Variants in SLCO1B1 observed in about 807,000 individuals in gnomAD.
The protein encoded by SLCO1B1 is OATP-2.
SLCO1B1 carries 81 observed loss-of-function variants against 70.1 expected under a neutral mutation model. That is an observed-to-expected ratio of 1.16 (90% CI 0.97 to 1.39). The LOEUF (loss-of-function observed/expected upper bound fraction) is 1.39. SLCO1B1 is among the 40% of genes most tolerant of loss of function. SLCO1B1 has a pLI of 0.00. For synonymous variants in SLCO1B1, 283 were observed against 271.5 expected (o/e 1.04, Z -0.42); for missense variants, 895 against 799.6 (o/e 1.12, Z -1.44).
At position 21,172,733 on chromosome 12, in the gene SLCO1B1, A is replaced by G; in HGVS notation, c.168A>G (p.Glu56=). ...TGAAAAGTTCCATCATTCATATAGA[A>G]CGGAGATTTGAGATATCCTCTTCTC... The part of the protein sequence containing the change: ...IIMKSSIIHI[E]RRFEISSSLV... The change falls in exon 3 of 15, where the codon GAA becomes GAG. Residue 56 remains glutamate, a synonymous_variant. Transcript: ENST00000256958. 6.2e-7 allele frequency: 1 copy of G among 1,613,542 alleles called. No homozygotes were observed. The highest frequency in any genetic ancestry group is 1.7e-4 in the Middle Eastern group (1 of 6,054).
intron 7 of SLCO1B1, among the ~76,000 whole-genome samples, chr12:21,189,476 C>T (rs180896147): frequency 2.1e-3 from 322 of 151,076 alleles, no homozygotes; most frequent in African/African-American, 7.3e-3. Context: ...TTGAGTCACT[C>T]TCACTCTGTC....
chr12:21,149,566 G>T (rs1051799453), intron 2 of SLCO1B1, among the ~76,000 whole-genome samples: 4 of 152,090 alleles, frequency 2.6e-5, no homozygotes, highest in African/African-American at 9.7e-5. Flanking sequence ...GCCGAAGCAG[G>T]GTAGGGTGTC....
At chr12:21,217,723 A>T (rs1941376296) in intron 12 of SLCO1B1, among the ~76,000 whole-genome samples, 1 of 152,222 alleles carries the variant, frequency 6.6e-6, no homozygotes, top group Non-Finnish European at 1.5e-5. Context: ...GCTCCATTTG[A>T]TAACATTCCA....
In SLCO1B1 at chr12:21,141,608, G is replaced by T. The variant is rs756064979; in HGVS notation, c.34G>T (p.Glu12Ter). The T allele has an allele frequency of 3.1e-6, 5 of 1,609,022 alleles. No homozygotes were observed. The Admixed American group carries it at 5.0e-5, about 16-fold the overall frequency. ...DQNQHLNKTAEAQPSENKKTR... is the reference protein window; with the variant it reads ...DQNQHLNKTA ...AAATCAACATTTGAATAAAACAGCAGAGGCACAACCTTCAGAGAATAAGAA... is the reference window on the plus strand; with the variant it reads ...AAATCAACATTTGAATAAAACAGCATAGGCACAACCTTCAGAGAATAAGAA... Residue 12 changes from glutamate to a stop codon, truncating the protein, a stop_gained, in exon 2 of 15, where the codon GAG (glutamate) becomes TAG (stop). Transcript: ENST00000256958. LOFTEE classifies it high-confidence loss of function.
chr12:21,165,318 C>T (rs1054594357), intron 2 of SLCO1B1, among the ~76,000 whole-genome samples: 3 of 151,932 alleles, frequency 2.0e-5, no homozygotes, highest in Admixed American at 2.0e-4. Context: ...TAGCTGGAGA[C>T]GGTAGCTCAA....
At chr12:21,235,597 A>G (rs949697644) in intron 14 of SLCO1B1, among the ~76,000 whole-genome samples, 2 of 151,778 alleles carry the variant, frequency 1.3e-5, no homozygotes, top group African/African-American at 4.8e-5. Context: ...GTTGTTAGCT[A>G]GTTGCTTTAT....
At chr12:21,237,115 T>G (rs1165462878) in intron 14 of SLCO1B1, among the ~76,000 whole-genome samples, 1 of 152,176 alleles carries the variant, frequency 6.6e-6, no homozygotes, top group Admixed American at 6.5e-5. Flanking sequence ...TGTCTTCTAT[T>G]CTTTTTTCTT....
intron 12 of SLCO1B1, among the ~76,000 whole-genome samples, chr12:21,218,282 G>A (rs1397465543): frequency 6.6e-6 from 1 of 152,092 alleles, no homozygotes; most frequent in Admixed American, 6.5e-5. Context: ...GGTAATGCAT[G>A]CCCTACTGGC....
intron 2 of SLCO1B1, among the ~76,000 whole-genome samples, chr12:21,152,168 C>T (rs927951414): frequency 1.3e-5 from 2 of 151,910 alleles, no homozygotes; most frequent in Non-Finnish European, 2.9e-5. Flanking sequence ...GTGCAGTATA[C>T]TGATGTGTTT....
chr12:21,195,849 GA>G (rs1429585149), intron 7 of SLCO1B1, among the ~76,000 whole-genome samples: 4 of 152,176 alleles, frequency 2.6e-5, no homozygotes, highest in African/African-American at 9.7e-5. Flanking sequence ...TGATATAGAA[GA>G]CAGTCGCAAG....
intron 2 of SLCO1B1, 97 bp from the exon 3 acceptor site, chr12:21,172,553 T>C: frequency 7.4e-7 from 1 of 1,346,482 alleles, no homozygotes; most frequent in Non-Finnish European, 1.1e-6. Context: ...ATAATGTTTT[T>C]AAGTAAAGAA....
chr12:21,193,207 G>T (rs11045843), intron 7 of SLCO1B1, among the ~76,000 whole-genome samples: 18,678 of 151,972 alleles, frequency 0.12, 1,553 homozygotes, highest in Non-Finnish European at 0.18. Context: ...TGTCTGTTAC[G>T]TTCAATTGGT....
chr12:21,235,380 CT>C (rs1941586995), intron 14 of SLCO1B1, among the ~76,000 whole-genome samples: 1 of 149,358 alleles, frequency 6.7e-6, no homozygotes, highest in African/African-American at 2.5e-5. Context: ...CTTATTTTTG[CT>C]TTCCATTTGA....
At chr12:21,163,736 T>C (rs1940651208) in intron 2 of SLCO1B1, among the ~76,000 whole-genome samples, 1 of 152,152 alleles carries the variant, frequency 6.6e-6, no homozygotes, top group Non-Finnish European at 1.5e-5. Context: ...ATCTCATTCA[T>C]GAGGGTTCCA....
intron 11 of SLCO1B1, among the ~76,000 whole-genome samples, chr12:21,211,171 C>T (rs1159392710): frequency 6.6e-6 from 1 of 152,136 alleles, no homozygotes; most frequent in Admixed American, 6.6e-5. Context: ...AGTTTTTGCC[C>T]ATTCAGTATG....
intron 8 of SLCO1B1, among the ~76,000 whole-genome samples, chr12:21,200,221 A>G (rs1394408290): frequency 2.0e-5 from 3 of 152,230 alleles, no homozygotes; most frequent in Non-Finnish European, 2.9e-5. Flanking sequence ...AGTACCCAGG[A>G]TAACCAAATA....
At position 21,172,709 on chromosome 12, in the gene SLCO1B1, G is replaced by C; in HGVS notation, c.144G>C (p.Met48Ile). The stretch of plus-strand genomic sequence containing the variant: ...CTAAGACACTAGGTGCAATTATTAT[G>C]AAAAGTTCCATCATTCATATAGAAC... ...FIAKTLGAII[M>I]KSSIIHIERR... Residue 48 changes from methionine to isoleucine, a missense_variant, in exon 3 of 15, where the codon ATG (methionine) becomes ATC (isoleucine). Coordinates refer to ENST00000256958, the MANE Select transcript of SLCO1B1 (RefSeq NM_006446.5). The C allele has an allele frequency of 6.2e-7, 1 of 1,613,740 alleles. No homozygotes were observed. Among genetic ancestry groups the C allele is most frequent in the African/African-American group, 1.3e-5 (1 of 75,026 alleles).
At chr12:21,227,826 T>C (rs1941496712) in intron 14 of SLCO1B1, among the ~76,000 whole-genome samples, 1 of 152,122 alleles carries the variant, frequency 6.6e-6, no homozygotes, top group Non-Finnish European at 1.5e-5. Flanking sequence ...TAAGCCATAC[T>C]AGTTCCTTTT....
intron 2 of SLCO1B1, among the ~76,000 whole-genome samples, chr12:21,167,618 C>A (rs779230757): frequency 6.6e-6 from 1 of 152,042 alleles, no homozygotes; most frequent in Non-Finnish European, 1.5e-5. Context: ...CCTTTTCAAC[C>A]AATTTTTAAG....
Sources: allele counts gnomAD v4.1 joint callset (sites outside exome capture counted in the v4.1 genomes callset), GRCh38; gene constraint gnomAD v4.1.1; transcripts MANE v1.5; gene names NCBI Gene and HGNC (gene_info 2026-07-23, HGNC 2026-07-21).